EPB41L4A: variants seen among roughly 807,000 people sequenced by gnomAD.
The protein encoded by EPB41L4A is band 4.1-like protein 4A.
In EPB41L4A, 100 loss-of-function variants were observed where a neutral mutation model predicts 108.6. The observed-to-expected ratio is 0.92, with a 90% CI of 0.78 to 1.09. The LOEUF (loss-of-function observed/expected upper bound fraction) is 1.09, where lower values mean the gene tolerates loss of function less well. EPB41L4A is among the 50% of genes least tolerant of loss of function. The probability of loss-of-function intolerance (pLI) is 0.00; values close to 1 mark genes in which losing one functional copy is unlikely to be tolerated. For synonymous variants in EPB41L4A, 319 were observed against 289.0 expected (o/e 1.10, Z -1.05); for missense variants, 1,030 against 842.7 (o/e 1.22, Z -2.75).
chr5:112,371,489 C>G (rs985983767), intron 1 of EPB41L4A, among the ~76,000 whole-genome samples: 1 of 152,130 alleles, frequency 6.6e-6, no homozygotes, highest in East Asian at 1.9e-4. Flanking sequence ...CCCTCCGTTC[C>G]TCAGAGGACT....
At chr5:112,184,869 C>T (rs1761345345) in intron 17 of EPB41L4A, among the ~76,000 whole-genome samples, 1 of 152,162 alleles carries the variant, frequency 6.6e-6, no homozygotes, top group Non-Finnish European at 1.5e-5. Flanking sequence ...ATCCCCAAAT[C>T]TGGATTCTTA....
chr5:112,194,506 T>C, intron 17 of EPB41L4A, 62 bp downstream of exon 17: 1 of 979,628 alleles, frequency 1.0e-6, no homozygotes, highest in Non-Finnish European at 1.5e-6. Context: ...ACACTCAGTT[T>C]CTACCACCAA....
intron 18 of EPB41L4A, among the ~76,000 whole-genome samples, chr5:112,172,498 T>C (rs1032654202): frequency 2.7e-5 from 4 of 145,974 alleles, no homozygotes; most frequent in African/African-American, 1.0e-4. Context: ...GGCAACAGAA[T>C]GAGACCCTGT....
intron 13 of EPB41L4A, among the ~76,000 whole-genome samples, chr5:112,208,424 C>A (rs533587984): frequency 5.3e-5 from 8 of 152,086 alleles, no homozygotes; most frequent in Admixed American, 5.2e-4. Flanking sequence ...ATGTCCTTTG[C>A]GGCAACACGG....
At chr5:112,199,094 C>T (rs1762099879) in intron 15 of EPB41L4A, among the ~76,000 whole-genome samples, 1 of 152,188 alleles carries the variant, frequency 6.6e-6, no homozygotes, top group African/African-American at 2.4e-5. Context: ...TGAGGGCAGC[C>T]TCAATCATTT....
intron 15 of EPB41L4A, 58 bp from the exon 16 acceptor site, chr5:112,195,766 A>G (rs1430527204): frequency 6.8e-7 from 1 of 1,465,014 alleles, no homozygotes; most frequent in Non-Finnish European, 9.5e-7. Context: ...GGCTAAGGAA[A>G]GCACACCAAA....
chr5:112,212,254 G>C (rs1202387073), intron 12 of EPB41L4A, among the ~76,000 whole-genome samples: 1 of 151,942 alleles, frequency 6.6e-6, no homozygotes. Flanking sequence ...AATTCATTTA[G>C]GTCCTAGACA....
intron 17 of EPB41L4A, among the ~76,000 whole-genome samples, chr5:112,188,126 C>G (rs765282427): frequency 6.6e-6 from 1 of 152,174 alleles, no homozygotes; most frequent in Non-Finnish European, 1.5e-5. Flanking sequence ...CCTCCATTGC[C>G]AAAATTAAAT....
intron 1 of EPB41L4A, among the ~76,000 whole-genome samples, chr5:112,347,176 G>C (rs1468608233): frequency 6.6e-6 from 1 of 152,166 alleles, no homozygotes; most frequent in African/African-American, 2.4e-5. Flanking sequence ...ATGGATGGAT[G>C]CACGCACACA....
At chr5:112,415,745 T>A (rs375652843) in intron 1 of EPB41L4A, among the ~76,000 whole-genome samples, 1 of 152,046 alleles carries the variant, frequency 6.6e-6, no homozygotes, top group African/African-American at 2.4e-5. Flanking sequence ...AAACAACAGA[T>A]AGCAGCAAAA....
intron 1 of EPB41L4A, among the ~76,000 whole-genome samples, chr5:112,370,510 C>T (rs1759424539): frequency 6.6e-6 from 1 of 152,140 alleles, no homozygotes; most frequent in South Asian, 2.1e-4. Flanking sequence ...TCAAATTAGA[C>T]ATTTTGATTG....
intron 9 of EPB41L4A, among the ~76,000 whole-genome samples, chr5:112,241,067 A>G (rs1158820914): frequency 6.6e-6 from 1 of 152,182 alleles, no homozygotes; most frequent in Admixed American, 6.5e-5. Flanking sequence ...GACAATAGAT[A>G]GTTTGGACGG....
chr5:112,304,020 G>C (rs1754540278), intron 2 of EPB41L4A, among the ~76,000 whole-genome samples: 1 of 152,116 alleles, frequency 6.6e-6, no homozygotes, highest in Admixed American at 6.5e-5. Flanking sequence ...ACTGGTGACA[G>C]GAAAGGAAGG....
chr5:112,193,145 T>C (rs1366141207), intron 17 of EPB41L4A, among the ~76,000 whole-genome samples: 2 of 152,200 alleles, frequency 1.3e-5, no homozygotes, highest in African/African-American at 2.4e-5. Context: ...CCTAAAAAAA[T>C]GTCCACTCTT....
chr5:112,403,337 C>CAA (rs113132902), intron 1 of EPB41L4A, among the ~76,000 whole-genome samples: 65 of 78,674 alleles, frequency 8.3e-4, no homozygotes, highest in African/African-American at 2.1e-3. Context: ...TAATCCTCAG[C>CAA]AAAAAAAAAA....
At position 112,307,449 on chromosome 5, in the gene EPB41L4A, A is replaced by G; in HGVS notation, c.141T>C (p.His47=). 6.2e-7 allele frequency: 1 copy of G among 1,613,360 alleles called. No individual in the cohort carries two copies. The highest frequency in any genetic ancestry group is 1.3e-5 in the African/African-American group (1 of 75,016). ...AATCTATCTCCACAAGGTTTACGTG[A>G]TGGAATACGTGGTCAAGGACAACGG... ...KGSVVLDHVF[H]HVNLVEIDYF... is the part of the protein sequence containing the mutation. The change falls in exon 2 of 23, where the codon CAT becomes CAC. Residue 47 remains histidine, a synonymous_variant. Transcript: ENST00000261486.
chr5:112,183,890 G>T, intron 18 of EPB41L4A, 126 bp downstream of exon 18: 1 of 1,205,414 alleles, frequency 8.3e-7, no homozygotes. Context: ...AATATTAGAA[G>T]GTAAATATGA....
Position 112,307,413 on chromosome 5 carries a change from T to C in EPB41L4A, c.177A>G (p.Leu59=), listed in dbSNP as rs765030255. 1.4e-5 allele frequency: 22 copies of C among 1,612,854 alleles called. No individual in the cohort carries two copies. Among genetic ancestry groups the C allele is most frequent in the South Asian group, 9.9e-5 (9 of 91,020 alleles). The stretch of plus-strand genomic sequence containing the variant: ...TCTGATGGCTTCTGTCACAGTAACG[T>C]AGCCCAAAATAATCTATCTCCACAA... ...VNLVEIDYFG[L]RYCDRSHQTY... The change falls in exon 2 of 23, where the codon CTA becomes CTG. Residue 59 remains leucine (L), a synonymous_variant. Transcript: ENST00000261486.
chr5:112,263,062 T>C (rs1308820637), intron 6 of EPB41L4A, among the ~76,000 whole-genome samples: 3 of 152,196 alleles, frequency 2.0e-5, no homozygotes, highest in Non-Finnish European at 2.9e-5. Flanking sequence ...AGTTTGAAAA[T>C]ACATTGATTA....
Sources: allele counts gnomAD v4.1 joint callset (sites outside exome capture counted in the v4.1 genomes callset), GRCh38; gene constraint gnomAD v4.1.1; transcripts MANE v1.5; gene names NCBI Gene and HGNC (gene_info 2026-07-23, HGNC 2026-07-21).